TBL1XR1: variants seen among roughly 807,000 people sequenced by gnomAD.
The protein encoded by TBL1XR1 is F-box-like/WD repeat-containing protein TBL1XR1.
TBL1XR1 carries 5 observed loss-of-function variants against 66.9 expected under a neutral mutation model. The observed-to-expected ratio is 0.07, with a 90% CI of 0.04 to 0.16. The LOEUF is 0.16. Among genes scored for constraint, TBL1XR1 ranks in the 10% least tolerant of loss-of-function variants. The pLI is 1.00. For missense variants in TBL1XR1, 238 were observed against 623.2 expected (o/e 0.38, Z 6.58); for synonymous variants, 210 against 206.0 (o/e 1.02, Z -0.17).
At chr3:177,175,547 T>C (rs909178227) in intron 1 of TBL1XR1, among the ~76,000 whole-genome samples, 1 of 152,192 alleles carries the variant, frequency 6.6e-6, no homozygotes, top group African/African-American at 2.4e-5. Flanking sequence ...TTGTACACAC[T>C]CCCTGTAATT....
intron 1 of TBL1XR1, among the ~76,000 whole-genome samples, chr3:177,109,032 A>C (rs1374934984): frequency 6.6e-6 from 1 of 152,358 alleles, no homozygotes; most frequent in East Asian, 1.9e-4. Context: ...TCTATAATAG[A>C]GATGAAAATG....
chr3:177,197,663 C>G (rs866510223), upstream of TBL1XR1, among the ~76,000 whole-genome samples: 1 of 30,580 alleles, frequency 3.3e-5, no homozygotes, highest in Non-Finnish European at 6.6e-5. Context: ...GGGGAGGGGC[C>G]GGCGGGGGAG....
chr3:177,039,532 T>A (rs1464184943), intron 10 of TBL1XR1, among the ~76,000 whole-genome samples: 1 of 152,216 alleles, frequency 6.6e-6, no homozygotes, highest in African/African-American at 2.4e-5. Context: ...TCAATGAATT[T>A]AAAAATCTCT....
intron 1 of TBL1XR1, among the ~76,000 whole-genome samples, chr3:177,118,924 A>G (rs1009632522): frequency 2.6e-5 from 4 of 152,188 alleles, no homozygotes; most frequent in African/African-American, 9.7e-5. Context: ...GGACCTATAG[A>G]AAGTATAAGC....
At position 177,186,892 on chromosome 3, in the gene TBL1XR1, C is replaced by CGCG. The variant is rs1302764787; in HGVS notation, c.-122+10228_-122+10229insCGC. On this transcript the variant is annotated intron_variant, in intron 1 of 15. Transcript: ENST00000457928. ...CTTAAAAGTCAGGAGTTCGGCCAGG[C>CGCG]GTGGTGGCTCACGCCTGTAATTCCA... Among the ~76,000 whole-genome samples the CGCG allele has an allele frequency of 5.3e-5, 8 of 152,160 alleles. No homozygotes were observed. The East Asian group carries it at 1.5e-3, about 29-fold the overall frequency.
chr3:177,101,288 A>AT (rs11302084), intron 1 of TBL1XR1, among the ~76,000 whole-genome samples: 9,089 of 147,338 alleles, frequency 0.062, 359 homozygotes, highest in South Asian at 0.14. Flanking sequence ...TTTAGATGCA[A>AT]TTTTTTTTTT....
intron 2 of TBL1XR1, chr3:177,079,419 C>T (rs1332053367): frequency 7.1e-6 from 1 of 140,212 alleles, no homozygotes; most frequent in African/African-American, 2.7e-5. Flanking sequence ...GGCGACAGAG[C>T]AAGACTCCAT....
At chr3:177,051,194 GT>G (rs1380896957) in intron 5 of TBL1XR1, among the ~76,000 whole-genome samples, 1 of 152,094 alleles carries the variant, frequency 6.6e-6, no homozygotes, top group African/African-American at 2.4e-5. Context: ...AGGGAAACAA[GT>G]TGGTGCAAGT....
At chr3:177,080,682 T>C (rs1721287912) in intron 2 of TBL1XR1, among the ~76,000 whole-genome samples, 1 of 152,160 alleles carries the variant, frequency 6.6e-6, no homozygotes, top group Non-Finnish European at 1.5e-5. Flanking sequence ...TGTCTCCATG[T>C]TTAAGTTTTC....
intron 1 of TBL1XR1, among the ~76,000 whole-genome samples, chr3:177,169,115 ATT>A (rs965989531): frequency 8.5e-5 from 13 of 152,202 alleles, no homozygotes; most frequent in African/African-American, 3.1e-4. Flanking sequence ...TAGTAATTAC[ATT>A]TTATCATTTT....
At chr3:177,119,579 T>C (rs988251200) in intron 1 of TBL1XR1, among the ~76,000 whole-genome samples, 4 of 152,210 alleles carry the variant, frequency 2.6e-5, no homozygotes, top group African/African-American at 9.6e-5. Context: ...ACAGAAATTG[T>C]TGAAATTTGC....
intron 1 of TBL1XR1, among the ~76,000 whole-genome samples, chr3:177,113,570 C>A (rs1577207197): frequency 6.6e-6 from 1 of 152,204 alleles, no homozygotes; most frequent in East Asian, 1.9e-4. Context: ...GTGGCTCATG[C>A]CTGTAATCTT....
intron 1 of TBL1XR1, among the ~76,000 whole-genome samples, chr3:177,099,794 T>A (rs1421283225): frequency 1.3e-5 from 2 of 152,274 alleles, no homozygotes; most frequent in African/African-American, 4.8e-5. Context: ...TATTTCAGTA[T>A]AAAGTTTTTG....
chr3:177,079,577 G>A (rs181565686), intron 2 of TBL1XR1: 2 of 151,918 alleles, frequency 1.3e-5, no homozygotes, highest in East Asian at 3.9e-4. Context: ...TTGCTACAGT[G>A]CGTGATAAAG....
At chr3:177,115,082 T>A (rs1726146498) in intron 1 of TBL1XR1, among the ~76,000 whole-genome samples, 1 of 152,098 alleles carries the variant, frequency 6.6e-6, no homozygotes, top group East Asian at 1.9e-4. Context: ...ACTGCCACAG[T>A]GCCATGGGCA....
intron 1 of TBL1XR1, among the ~76,000 whole-genome samples, chr3:177,175,851 G>A (rs1273950044): frequency 6.6e-6 from 1 of 152,044 alleles, no homozygotes; most frequent in Non-Finnish European, 1.5e-5. Flanking sequence ...GAGGTCAGGA[G>A]ATCGAGACCA....
intron 1 of TBL1XR1, among the ~76,000 whole-genome samples, chr3:177,162,611 C>T (rs962357873): frequency 5.9e-5 from 9 of 152,120 alleles, no homozygotes; most frequent in Non-Finnish European, 8.8e-5. Flanking sequence ...TTTACATGAG[C>T]TGTTAAAACT....
intron 1 of TBL1XR1, among the ~76,000 whole-genome samples, chr3:177,107,009 G>GATAATGAAC (rs1260078833): frequency 1.3e-5 from 2 of 152,214 alleles, no homozygotes; most frequent in South Asian, 4.1e-4. Flanking sequence ...ACCTCACAGT[G>GATAATGAAC]ATAATGAACA....
chr3:177,109,668 A>T (rs1157509605), intron 1 of TBL1XR1, among the ~76,000 whole-genome samples: 3 of 152,092 alleles, frequency 2.0e-5, no homozygotes, highest in South Asian at 2.1e-4. Flanking sequence ...CTGCTCTCTC[A>T]CAGTTTAAAT....
Sources: gnomAD v4.1 joint callset for allele counts (sites outside exome capture counted in the v4.1 genomes callset) on GRCh38, gnomAD v4.1.1 for gene constraint, MANE v1.5 for transcripts, NCBI Gene and HGNC (gene_info 2026-07-23, HGNC 2026-07-21) for gene names.